The following ANKS1B variants were observed in gnomAD, a reference collection of about 807,000 sequenced individuals.
ANKS1B encodes ankyrin repeat and sterile alpha motif domain containing 1B.
In ANKS1B, 36 loss-of-function variants were observed where a neutral mutation model predicts 148.3. The observed-to-expected ratio is 0.24, with a 90% CI of 0.19 to 0.32. The LOEUF is 0.32. ANKS1B is among the 10% of genes least tolerant of loss of function. The probability of loss-of-function intolerance (pLI) is 1.00; values close to 1 mark genes in which losing one functional copy is unlikely to be tolerated. For synonymous variants in ANKS1B, 542 were observed against 560.8 expected, an observed-to-expected ratio of 0.97 and a Z score of 0.47; for missense variants, 1,157 against 1,542.6, an observed-to-expected ratio of 0.75 and a Z score of 4.19.
At chr12:99,746,374 C>G (rs1239794131) in intron 8 of ANKS1B, among the ~76,000 whole-genome samples, 1 of 152,166 alleles carries the variant, frequency 6.6e-6, no homozygotes, top group Admixed American at 6.5e-5. Context: ...TCAACCAATT[C>G]AAATTAAAAT....
At chr12:99,645,752 T>C (rs892398134) in intron 9 of ANKS1B, among the ~76,000 whole-genome samples, 1 of 152,148 alleles carries the variant, frequency 6.6e-6, no homozygotes, top group Non-Finnish European at 1.5e-5. Context: ...GCTAAAAAGG[T>C]AGTTTTCTAA....
intron 17 of ANKS1B, among the ~76,000 whole-genome samples, chr12:98,875,574 C>G (rs1044478965): frequency 5.3e-5 from 8 of 152,154 alleles, no homozygotes; most frequent in Non-Finnish European, 1.2e-4. Context: ...TTGAAGGAAG[C>G]CTTCCTGGTT....
intron 17 of ANKS1B, among the ~76,000 whole-genome samples, chr12:98,895,983 G>A (rs2099764111): frequency 6.6e-6 from 1 of 152,178 alleles, no homozygotes; most frequent in Non-Finnish European, 1.5e-5. Context: ...ACAGGCTTCA[G>A]TTCTTTGTTG....
At chr12:99,638,828 T>A (rs983583589) in intron 9 of ANKS1B, among the ~76,000 whole-genome samples, 3 of 152,178 alleles carry the variant, frequency 2.0e-5, no homozygotes, top group Non-Finnish European at 4.4e-5. Context: ...GGGTCCCCCG[T>A]GCTGCCTCAC....
intron 9 of ANKS1B, among the ~76,000 whole-genome samples, chr12:99,592,189 T>C (rs896250641): frequency 6.6e-6 from 1 of 152,156 alleles, no homozygotes; most frequent in Admixed American, 6.5e-5. Flanking sequence ...TCTGTTCATT[T>C]TAGCAAAATT....
chr12:98,916,025 C>T (rs1199365420), intron 17 of ANKS1B, among the ~76,000 whole-genome samples: 1 of 152,190 alleles, frequency 6.6e-6, no homozygotes, highest in Admixed American at 6.5e-5. Flanking sequence ...CTGCTTAACG[C>T]TCCCACCACC....
intron 16 of ANKS1B, among the ~76,000 whole-genome samples, chr12:99,068,062 T>C (rs1287081926): frequency 6.6e-6 from 1 of 152,168 alleles, no homozygotes. Flanking sequence ...TTAGGCACTA[T>C]AGTGCATCAT....
intron 17 of ANKS1B, among the ~76,000 whole-genome samples, chr12:98,973,651 G>T (rs1597836614): frequency 6.6e-6 from 1 of 152,042 alleles, no homozygotes; most frequent in South Asian, 2.1e-4. Context: ...CAGCCTTCTT[G>T]GTTGTCAGAT....
At chr12:99,967,487 T>C (rs926227805) in intron 1 of ANKS1B, among the ~76,000 whole-genome samples, 3 of 152,124 alleles carry the variant, frequency 2.0e-5, no homozygotes, top group African/African-American at 7.2e-5. Flanking sequence ...GGTGTAATCA[T>C]AGTTCACAGC....
At chr12:99,251,811 A>T (rs1351361079) in intron 12 of ANKS1B, among the ~76,000 whole-genome samples, 1 of 152,118 alleles carries the variant, frequency 6.6e-6, no homozygotes, top group Non-Finnish European at 1.5e-5. Context: ...GAAAATAAAA[A>T]TTTTTCCTAT....
At chr12:99,877,245 T>C (rs1017571438) in intron 1 of ANKS1B, among the ~76,000 whole-genome samples, 2 of 152,252 alleles carry the variant, frequency 1.3e-5, no homozygotes, top group African/African-American at 4.8e-5. Context: ...TTTTCTAATG[T>C]TGATTTGCAT....
chr12:99,357,199 CA>C (rs1204855885), intron 12 of ANKS1B, among the ~76,000 whole-genome samples: 2 of 151,932 alleles, frequency 1.3e-5, no homozygotes, highest in Non-Finnish European at 2.9e-5. Flanking sequence ...ATTCATTTAA[CA>C]TTATATTAAA....
intron 8 of ANKS1B, among the ~76,000 whole-genome samples, chr12:99,749,358 C>T (rs555704257): frequency 6.6e-6 from 1 of 151,994 alleles, no homozygotes; most frequent in Non-Finnish European, 1.5e-5. Context: ...TCCCTTGCCA[C>T]CATATGGGAA....
At chr12:99,286,195 CA>C (rs2079095617) in intron 12 of ANKS1B, among the ~76,000 whole-genome samples, 1 of 151,660 alleles carries the variant, frequency 6.6e-6, no homozygotes, top group Non-Finnish European at 1.5e-5. Flanking sequence ...CTTCGTTTTT[CA>C]ACTTGGATAC....
chr12:99,794,758 A>G (rs2066046770), intron 4 of ANKS1B, among the ~76,000 whole-genome samples: 2 of 152,068 alleles, frequency 1.3e-5, no homozygotes, highest in South Asian at 4.2e-4. Context: ...CAAAAAATAG[A>G]AAGAATGAAT....
chr12:99,511,659 A>T (rs1332370327), intron 9 of ANKS1B, among the ~76,000 whole-genome samples: 1 of 152,138 alleles, frequency 6.6e-6, no homozygotes, highest in Non-Finnish European at 1.5e-5. Context: ...CTGACTTCAA[A>T]CTATACTCAA....
chr12:98,966,292 G>GA (rs2099877833), intron 17 of ANKS1B, among the ~76,000 whole-genome samples: 1 of 152,204 alleles, frequency 6.6e-6, no homozygotes, highest in Middle Eastern at 3.4e-3. Context: ...ACAGACACAT[G>GA]AAAAAATGCT....
At chr12:98,746,419 C>G (rs544297888) in intron 26 of ANKS1B, among the ~76,000 whole-genome samples, 27 of 152,336 alleles carry the variant, frequency 1.8e-4, no homozygotes, top group African/African-American at 6.5e-4. Flanking sequence ...CTCCAGACAC[C>G]TGCATGCCTC....
At chr12:99,710,814 C>T (rs1329658461) in intron 8 of ANKS1B, among the ~76,000 whole-genome samples, 1 of 152,076 alleles carries the variant, frequency 6.6e-6, no homozygotes, top group African/African-American at 2.4e-5. Context: ...AGATAAATGC[C>T]ACTCATAACT....
Sources: gnomAD v4.1 joint callset for allele counts (sites outside exome capture counted in the v4.1 genomes callset) on GRCh38, gnomAD v4.1.1 for gene constraint, MANE v1.5 for transcripts, NCBI Gene and HGNC (gene_info 2026-07-23, HGNC 2026-07-21) for gene names.